The following HECW2 variants were observed in gnomAD, a reference collection of about 807,000 sequenced individuals.
HECW2 encodes the protein E3 ubiquitin-protein ligase HECW2.
Under a neutral mutation model 175.2 loss-of-function variants are expected in HECW2, and 61 were observed. That is an observed-to-expected ratio of 0.35 (90% CI 0.28 to 0.43). The LOEUF (loss-of-function observed/expected upper bound fraction) is 0.43, where lower values mean the gene tolerates loss of function less well. Ranked by LOEUF, HECW2 falls within the 20% of genes least tolerant of loss-of-function variation. HECW2 has a pLI of 1.00. For synonymous variants in HECW2, 671 were observed against 731.0 expected (o/e 0.92, Z 1.32); for missense variants, 1,524 against 2,000.5 (o/e 0.76, Z 4.54).
chr2:196,445,135 C>T (rs972796832), intron 1 of HECW2, among the ~76,000 whole-genome samples: 2 of 152,198 alleles, frequency 1.3e-5, no homozygotes, highest in African/African-American at 4.8e-5. Context: ...CACAGTGCCT[C>T]ATATTCTAAT....
At chr2:196,558,057 G>T (rs1452481379) in intron 1 of HECW2, among the ~76,000 whole-genome samples, 1 of 152,024 alleles carries the variant, frequency 6.6e-6, no homozygotes, top group Non-Finnish European at 1.5e-5. Flanking sequence ...CTATGGAATA[G>T]GTACCATTAT....
At chr2:196,454,454 T>C (rs57846848) in intron 1 of HECW2, among the ~76,000 whole-genome samples, 20,722 of 152,216 alleles carry the variant, frequency 0.14, 1,947 homozygotes, top group African/African-American at 0.27. Context: ...TCCCTCAAGA[T>C]GGTCATTTAG....
rs757745272 is a variant in HECW2, at chr2:196,274,138, A to G, written c.3136-15T>C. 3.1e-6 allele frequency: 5 copies of G among 1,589,316 alleles called. No individual in the cohort carries two copies. In the South Asian group the frequency reaches 5.5e-5, roughly 18 times the overall value. On this transcript the variant is annotated splice_polypyrimidine_tract_variant and intron_variant, in intron 15 of 28. Transcript: ENST00000644978. ...TCTTCTCCTACCTGCAAACAGAAGC[A>G]TCATTTATGTTCTGCACCAAGAGCC...
intron 1 of HECW2, among the ~76,000 whole-genome samples, chr2:196,443,749 A>G (rs4850398): frequency 0.94 from 143,132 of 152,292 alleles, 67,451 homozygotes; most frequent in East Asian, 1. Context: ...ACAAATACTA[A>G]CCAGGCACTG....
chr2:196,224,560 T>C (rs1156954282), intron 23 of HECW2, among the ~76,000 whole-genome samples: 1 of 152,066 alleles, frequency 6.6e-6, no homozygotes, highest in Non-Finnish European at 1.5e-5. Flanking sequence ...TACAGTGTCA[T>C]AGATGCCAGC....
intron 1 of HECW2, among the ~76,000 whole-genome samples, chr2:196,483,860 C>T (rs1190622445): frequency 1.7e-4 from 26 of 152,090 alleles, no homozygotes; most frequent in Admixed American, 1.6e-3. Flanking sequence ...AAAGTGTGGA[C>T]CTTCTGTGAA....
At chr2:196,503,155 C>T (rs996585414) in intron 1 of HECW2, among the ~76,000 whole-genome samples, 2 of 152,158 alleles carry the variant, frequency 1.3e-5, no homozygotes, top group African/African-American at 4.8e-5. Flanking sequence ...TCCTTAGACA[C>T]CCCTTGGGAC....
At chr2:196,344,619 T>G (rs1040179517) in intron 2 of HECW2, among the ~76,000 whole-genome samples, 5 of 152,198 alleles carry the variant, frequency 3.3e-5, no homozygotes, top group African/African-American at 1.2e-4. Context: ...AAGCTCTGTC[T>G]TAGTGGCCCA....
At chr2:196,477,640 T>C (rs1485926832) in intron 1 of HECW2, among the ~76,000 whole-genome samples, 4 of 152,216 alleles carry the variant, frequency 2.6e-5, no homozygotes, top group Non-Finnish European at 5.9e-5. Context: ...TACATATTTC[T>C]TTTACATGAA....
At chr2:196,226,256 T>A (rs1469117801) in intron 22 of HECW2, among the ~76,000 whole-genome samples, 2 of 151,962 alleles carry the variant, frequency 1.3e-5, no homozygotes, top group Non-Finnish European at 2.9e-5. Flanking sequence ...TCTCTCTCCC[T>A]CCTGCTTTTG....
At chr2:196,526,711 C>A (rs978417676) in intron 1 of HECW2, among the ~76,000 whole-genome samples, 7 of 151,298 alleles carry the variant, frequency 4.6e-5, no homozygotes, top group Admixed American at 6.5e-5. Flanking sequence ...GGACCCTCAG[C>A]TGCAGGTCTG....
chr2:196,520,596 G>A (rs1688327411), intron 1 of HECW2, among the ~76,000 whole-genome samples: 1 of 152,186 alleles, frequency 6.6e-6, no homozygotes, highest in African/African-American at 2.4e-5. Context: ...TGCTTTCACT[G>A]TAATCTGGTA....
intron 2 of HECW2, among the ~76,000 whole-genome samples, chr2:196,422,406 C>G (rs1478970599): frequency 6.6e-6 from 1 of 152,088 alleles, no homozygotes; most frequent in African/African-American, 2.4e-5. Flanking sequence ...TAAGAGCTAG[C>G]ATAAGAGTTT....
chr2:196,494,437 G>T (rs1049829054), intron 1 of HECW2, among the ~76,000 whole-genome samples: 1 of 152,194 alleles, frequency 6.6e-6, no homozygotes, highest in Non-Finnish European at 1.5e-5. Context: ...ACAGATTCAA[G>T]AGATATTTTC....
intron 1 of HECW2, among the ~76,000 whole-genome samples, chr2:196,489,468 A>T (rs1489569598): frequency 6.6e-6 from 1 of 152,090 alleles, no homozygotes; most frequent in South Asian, 2.1e-4. Flanking sequence ...AAGAAAGACC[A>T]AAGAACCCAC....
chr2:196,510,418 T>C (rs1687906090), intron 1 of HECW2, among the ~76,000 whole-genome samples: 1 of 152,110 alleles, frequency 6.6e-6, no homozygotes, highest in Non-Finnish European at 1.5e-5. Flanking sequence ...ACCAGCATCC[T>C]CCTCCACCCA....
At chr2:196,588,388 T>C (rs143418455) in intron 1 of HECW2, among the ~76,000 whole-genome samples, 1 of 152,360 alleles carries the variant, frequency 6.6e-6, no homozygotes, top group Non-Finnish European at 1.5e-5. Flanking sequence ...TGGATCTTAC[T>C]TTGAGAATTA....
intron 16 of HECW2, 32 bp downstream of exon 16, chr2:196,273,989 G>A (rs754046071): frequency 2.0e-6 from 3 of 1,465,576 alleles, no homozygotes; most frequent in South Asian, 1.1e-5. Flanking sequence ...TGGCACAAAA[G>A]GACAGATGAT....
At chr2:196,315,675 C>T (rs978729809) in intron 10 of HECW2, 1 of 152,140 alleles carries the variant, frequency 6.6e-6, no homozygotes, top group South Asian at 2.1e-4. Context: ...GATGTATCTA[C>T]GGGTGTAATG....
Sources: gnomAD v4.1 joint callset for allele counts (sites outside exome capture counted in the v4.1 genomes callset) on GRCh38, gnomAD v4.1.1 for gene constraint, MANE v1.5 for transcripts, NCBI Gene and HGNC (gene_info 2026-07-23, HGNC 2026-07-21) for gene names.